The following IL1R1 variants were observed in gnomAD, a reference collection of about 807,000 sequenced individuals.
The protein encoded by IL1R1 is interleukin 1 receptor type 1, also known as interleukin-1 receptor type 1.
IL1R1 carries 22 observed loss-of-function variants against 50.2 expected under a neutral mutation model. The ratio of observed to expected loss-of-function variants is 0.44; its 90% CI spans 0.31 to 0.63. The LOEUF is 0.63. Among genes scored for constraint, IL1R1 ranks in the 20% least tolerant of loss-of-function variants. The pLI is 0.07. For synonymous variants in IL1R1, 251 were observed against 236.7 expected, an observed-to-expected ratio of 1.06 and a Z score of -0.55; for missense variants, 509 against 676.2, an observed-to-expected ratio of 0.75 and a Z score of 2.74.
At chr2:102,084,358 A>G (rs1343387370) in intron 1 of IL1R1, among the ~76,000 whole-genome samples, 5 of 152,324 alleles carry the variant, frequency 3.3e-5, no homozygotes, top group Middle Eastern at 3.4e-3. Context: ...ACAATCAATA[A>G]CTAAAATAAA....
intron 1 of IL1R1, among the ~76,000 whole-genome samples, chr2:102,133,113 G>A (rs942555843): frequency 2.6e-5 from 4 of 151,854 alleles, no homozygotes; most frequent in East Asian, 1.9e-4. Flanking sequence ...ACATGGTGGC[G>A]GGCACCTGTA....
At chr2:102,148,621 T>C (rs963367279) in intron 1 of IL1R1, among the ~76,000 whole-genome samples, 1 of 152,170 alleles carries the variant, frequency 6.6e-6, no homozygotes, top group Admixed American at 6.5e-5. Context: ...GAGAAAATCT[T>C]TGGATGAAAT....
Position 102,120,584 on chromosome 2 carries a change from A to G in IL1R1, c.-84+15712A>G, listed in dbSNP as rs529615579. Among the ~76,000 whole-genome samples the G allele has an allele frequency of 2.0e-5, 3 of 152,326 alleles. No homozygotes were observed. The South Asian group carries it at 6.2e-4, about 32-fold the overall frequency. On this transcript the variant is annotated intron_variant, in intron 1 of 10. Coordinates refer to the IL1R1 transcript ENST00000409329. ...TCATTTTTCTGTCCTTCAGTGTCAC[A>G]CAGAGGCAGGCAACTCCGGCATAAA...
intron 1 of IL1R1, among the ~76,000 whole-genome samples, chr2:102,109,749 G>A (rs12987095): frequency 0.21 from 32,089 of 151,976 alleles, 3,390 homozygotes; most frequent in Middle Eastern, 0.24. Context: ...TAGACTCGAT[G>A]GGCGTTTAAA....
chr2:102,124,381 C>G (rs1385500342), intron 1 of IL1R1, among the ~76,000 whole-genome samples: 1 of 151,204 alleles, frequency 6.6e-6, no homozygotes, highest in East Asian at 2.0e-4. Flanking sequence ...GATTGCGCCA[C>G]TGCACTCCAG....
intron 1 of IL1R1, among the ~76,000 whole-genome samples, chr2:102,112,093 G>A (rs987472040): frequency 6.6e-6 from 1 of 151,944 alleles, no homozygotes; most frequent in Non-Finnish European, 1.5e-5. Context: ...TGATGAGGCT[G>A]CTTTGTTTAT....
intron 1 of IL1R1, among the ~76,000 whole-genome samples, chr2:102,105,770 G>C (rs1398285195): frequency 6.6e-6 from 1 of 152,144 alleles, no homozygotes; most frequent in African/African-American, 2.4e-5. Context: ...GACCTCAAAG[G>C]TAATCTTAAA....
chr2:102,142,970 G>A lies in IL1R1; in HGVS notation c.-134G>A, dbSNP rs1682799794. Reference sequence around the variant, plus strand: ...GGCTCTCGCCCCTCTGAGCTGAGCCGGGTTCCGCCCGGGGCTGGGATCCCA... The same window carrying A: ...GGCTCTCGCCCCTCTGAGCTGAGCCAGGTTCCGCCCGGGGCTGGGATCCCA... On this transcript the variant is annotated 5_prime_UTR_variant, in exon 1 of 12. Transcript: ENST00000410023. 1 of 152,280 alleles carries A rather than the reference G, an allele frequency of 6.6e-6. No individual in the cohort carries two copies. The highest frequency in any genetic ancestry group is 2.4e-5 in the African/African-American group (1 of 41,454). The allele number at this position is 152,280 out of a possible 1,614,324, so 9.4% of individuals were successfully genotyped here.
intron 1 of IL1R1, among the ~76,000 whole-genome samples, chr2:102,133,075 G>A (rs778013708): frequency 2.6e-5 from 4 of 151,352 alleles, no homozygotes; most frequent in South Asian, 4.2e-4. Flanking sequence ...AAACCCCATC[G>A]CTACTAAAAA....
intron 1 of IL1R1, among the ~76,000 whole-genome samples, chr2:102,116,628 C>T (rs746025230): frequency 7.9e-5 from 12 of 152,072 alleles, no homozygotes; most frequent in Non-Finnish European, 1.2e-4. Context: ...GTTGAGATCA[C>T]TTTTTCTAAG....
upstream of IL1R1, among the ~76,000 whole-genome samples, chr2:102,141,280 C>T (rs968096273): frequency 6.6e-6 from 1 of 152,208 alleles, no homozygotes; most frequent in Non-Finnish European, 1.5e-5. Flanking sequence ...AAAAACACTG[C>T]CTTTTGGGCC....
At chr2:102,096,590 A>T (rs1200160878) in intron 1 of IL1R1, among the ~76,000 whole-genome samples, 1 of 151,140 alleles carries the variant, frequency 6.6e-6, no homozygotes, top group Admixed American at 6.6e-5. Context: ...GATTCTAGGC[A>T]TTCTACATGT....
intron 1 of IL1R1, among the ~76,000 whole-genome samples, chr2:102,136,148 G>A (rs190687771): frequency 6.6e-6 from 1 of 152,274 alleles, no homozygotes; most frequent in African/African-American, 2.4e-5. Context: ...GGACAAACAA[G>A]CTTATATTCT....
chr2:102,124,601 C>G (rs1038623143), intron 1 of IL1R1, among the ~76,000 whole-genome samples: 1 of 152,062 alleles, frequency 6.6e-6, no homozygotes, highest in African/African-American at 2.4e-5. Flanking sequence ...AGTGAGAGCA[C>G]AGGAAAAACT....
intron 1 of IL1R1, among the ~76,000 whole-genome samples, chr2:102,120,850 G>T (rs73943982): frequency 3.9e-5 from 6 of 152,168 alleles, no homozygotes; most frequent in African/African-American, 1.2e-4. Flanking sequence ...CATGGTGTGC[G>T]CACAATAAAA....
At chr2:102,109,028 C>T (rs1443470076) in intron 1 of IL1R1, among the ~76,000 whole-genome samples, 2 of 151,418 alleles carry the variant, frequency 1.3e-5, no homozygotes, top group African/African-American at 4.9e-5. Context: ...GGTAGGAGAC[C>T]TGGTTTTAGG....
intron 1 of IL1R1, among the ~76,000 whole-genome samples, chr2:102,105,996 C>T (rs766819734): frequency 3.9e-5 from 6 of 152,004 alleles, no homozygotes; most frequent in African/African-American, 7.3e-5. Flanking sequence ...TGGGACTGAA[C>T]CTGAAAGATT....
chr2:102,124,890 TG>T (rs1681612060), intron 1 of IL1R1, among the ~76,000 whole-genome samples: 1 of 152,010 alleles, frequency 6.6e-6, no homozygotes, highest in Non-Finnish European at 1.5e-5. Context: ...CACTCTAGCC[TG>T]GGTAACAGAG....
chr2:102,174,348 G>A (rs1189554657), intron 9 of IL1R1, among the ~76,000 whole-genome samples: 2 of 152,098 alleles, frequency 1.3e-5, no homozygotes, highest in Admixed American at 1.3e-4. Flanking sequence ...TATTTCCCAT[G>A]TTATTGTATA....
Sources: allele counts gnomAD v4.1 joint callset (sites outside exome capture counted in the v4.1 genomes callset), GRCh38; gene constraint gnomAD v4.1.1; transcripts MANE v1.5; gene names NCBI Gene and HGNC (gene_info 2026-07-23, HGNC 2026-07-21).